Variants in LTN1 observed in about 807,000 individuals in gnomAD.
The protein encoded by LTN1 is E3 ubiquitin-protein ligase listerin.
Under a neutral mutation model 201.2 loss-of-function variants are expected in LTN1, and 88 were observed. The observed-to-expected ratio is 0.44, with a 90% CI of 0.37 to 0.52. The LOEUF is 0.52. LTN1 is among the 20% of genes least tolerant of loss of function. LTN1 has a pLI of 0.00. For synonymous variants in LTN1, 645 were observed against 713.5 expected (o/e 0.90, Z 1.53); for missense variants, 1,752 against 2,038.7 (o/e 0.86, Z 2.71).
chr21:28,981,345 C>A, intron 5 of LTN1, 46 bp from the exon 6 acceptor site: 1 of 1,065,584 alleles, frequency 9.4e-7, no homozygotes, highest in South Asian at 2.6e-5. Flanking sequence ...TAGAATTAGC[C>A]AAACTATATA....
At chr21:28,992,670 C>G in intron 1 of LTN1, 94 bp downstream of exon 1, 1 of 1,436,336 alleles carries the variant, frequency 7.0e-7, no homozygotes, top group Non-Finnish European at 9.7e-7. Flanking sequence ...CGCCTCCCTA[C>G]AGCCGCGCTC....
At chr21:28,930,865 T>C (rs1219620738) in intron 29 of LTN1, among the ~76,000 whole-genome samples, 3 of 152,220 alleles carry the variant, frequency 2.0e-5, no homozygotes, top group Admixed American at 2.0e-4. Context: ...CTTCATGGTC[T>C]AGATCTCAGA....
chr21:28,971,128 A>T (rs921590590), intron 7 of LTN1, 143 bp downstream of exon 7: 2 of 614,658 alleles, frequency 3.3e-6, no homozygotes, highest in Non-Finnish European at 5.2e-6. Flanking sequence ...TAAAATAAAA[A>T]CTCTATGCCA....
chr21:28,985,997 G>T, intron 3 of LTN1, 142 bp downstream of exon 3: 1 of 593,154 alleles, frequency 1.7e-6, no homozygotes. Context: ...CTTCTCAAGT[G>T]TTAACAATTC....
intron 17 of LTN1, among the ~76,000 whole-genome samples, chr21:28,952,750 A>G (rs2084392977): frequency 6.6e-6 from 1 of 152,254 alleles, no homozygotes; most frequent in Non-Finnish European, 1.5e-5. Flanking sequence ...TCCTAAAAAG[A>G]AAGCAGTTCA....
Position 28,929,515 on chromosome 21 carries a change from TG to T in LTN1, c.*932del, listed in dbSNP as rs1455731043. On this transcript the variant is annotated 3_prime_UTR_variant, in exon 30 of 30. Coordinates refer to ENST00000361371, the MANE Select transcript of LTN1 (RefSeq NM_015565.3). The stretch of plus-strand genomic sequence containing the variant: ...CCAAGTCTCTTATTTAGTATAACTT[TG>T]GCTGGTAAGAATAGCTCAGTTTGCT... The T allele has an allele frequency of 6.6e-6, 1 of 152,214 alleles. No individual in the cohort carries two copies. The highest frequency in any genetic ancestry group is 2.4e-5 in the African/African-American group (1 of 41,450). The allele number at this position is 152,214 out of a possible 1,614,324, so 9.4% of individuals were successfully genotyped here.
intron 6 of LTN1, among the ~76,000 whole-genome samples, chr21:28,980,213 T>C (rs1383359209): frequency 6.6e-6 from 1 of 151,990 alleles, no homozygotes; most frequent in African/African-American, 2.4e-5. Flanking sequence ...TGAAGTGCTG[T>C]CTATTGTATC....
At chr21:28,947,429 T>C (rs1047363564) in intron 19 of LTN1, 35 bp downstream of exon 19, 2 of 1,469,912 alleles carry the variant, frequency 1.4e-6, no homozygotes, top group African/African-American at 2.9e-5. Flanking sequence ...AAGCAATAAT[T>C]AAATTAATGA....
chr21:28,978,405 G>A (rs971911444), intron 6 of LTN1, among the ~76,000 whole-genome samples: 2 of 152,118 alleles, frequency 1.3e-5, no homozygotes, highest in Non-Finnish European at 2.9e-5. Context: ...AGTTTACTAG[G>A]TAATGTTAGG....
chr21:28,992,628 AAC>A, intron 1 of LTN1, 134 bp downstream of exon 1: 2 of 901,926 alleles, frequency 2.2e-6, no homozygotes, highest in Middle Eastern at 3.2e-4. Context: ...ACGCACACAC[AAC>A]AGAGAGGTCA....
At position 28,960,655 on chromosome 21, in the gene LTN1, C is replaced by G. The variant is rs757419194; in HGVS notation, c.2215G>C (p.Asp739His). The change falls in exon 12 of 30, where the codon GAT (aspartate) becomes CAT (histidine). Residue 739 changes from aspartate to histidine, a missense_variant. By Grantham distance (81) the Asp-to-His change is moderately conservative. Transcript: ENST00000361371. ...HALVTPWLKG[D>H]ILGEKLVNLA... ...TTGACCAATTTCTCACCAAGGATATCGCCTTTGAGCCAAGGAGTTACTAAA... is the reference window on the plus strand; with the variant it reads ...TTGACCAATTTCTCACCAAGGATATGGCCTTTGAGCCAAGGAGTTACTAAA... The G allele has an allele frequency of 6.2e-7, 1 of 1,613,894 alleles. No individual in the cohort carries two copies. Among genetic ancestry groups the G allele is most frequent in the Admixed American group, 1.7e-5 (1 of 59,988 alleles).
At chr21:28,992,274 A>G (rs978370067) in intron 1 of LTN1, among the ~76,000 whole-genome samples, 9 of 152,108 alleles carry the variant, frequency 5.9e-5, no homozygotes, top group African/African-American at 2.2e-4. Flanking sequence ...TGAAGATGGG[A>G]CTGCAGATGG....
At chr21:28,951,004 A>C (rs904631028) in intron 18 of LTN1, among the ~76,000 whole-genome samples, 2 of 152,138 alleles carry the variant, frequency 1.3e-5, no homozygotes, top group Non-Finnish European at 2.9e-5. Flanking sequence ...TGAGCTACAC[A>C]GAACACACGC....
intron 11 of LTN1, among the ~76,000 whole-genome samples, chr21:28,964,078 T>C (rs754312421): frequency 6.6e-6 from 1 of 152,222 alleles, no homozygotes; most frequent in Non-Finnish European, 1.5e-5. Flanking sequence ...GTGAACATTG[T>C]TGACATGACC....
intron 29 of LTN1, 68 bp from the exon 30 acceptor site, chr21:28,930,578 T>A: frequency 1.0e-6 from 1 of 990,464 alleles, no homozygotes; most frequent in Non-Finnish European, 1.6e-6. Flanking sequence ...CATCATAAAG[T>A]ACACATACAT....
In LTN1 at chr21:28,944,449, C is replaced by A. The variant is rs1401026672; in HGVS notation, c.3916G>T (p.Glu1306Ter). 6.2e-7 allele frequency: 1 copy of A among 1,613,964 alleles called. No individual in the cohort carries two copies. Among genetic ancestry groups the A allele is most frequent in the East Asian group, 2.2e-5 (1 of 44,852 alleles). Residue 1306 changes from glutamate to a stop codon, truncating the protein, a stop_gained, in exon 22 of 30, where the codon GAA (glutamate) becomes TAA (stop). Transcript: ENST00000361371. LOFTEE classifies it high-confidence loss of function. Reference protein sequence around the residue: ...IGNLPVNLISEWKEFFSQGIH... With the variant: ...IGNLPVNLIS ...CCTTGGGAAAAAAATTCTTTCCATT[C>A]ACTGATTAGATTTACAGGAAGATTG...
intron 8 of LTN1, 105 bp downstream of exon 8, chr21:28,970,447 T>C (rs1264116432): frequency 1.2e-5 from 9 of 774,004 alleles, no homozygotes; most frequent in Non-Finnish European, 1.7e-5. Context: ...TAAAAGTATT[T>C]AATGAATAGT....
At chr21:28,943,935 T>C (rs972486085) in intron 22 of LTN1, 31 bp from the exon 23 acceptor site, 1 of 1,374,936 alleles carries the variant, frequency 7.3e-7, no homozygotes, top group Non-Finnish European at 1.0e-6. Context: ...AACATGCACG[T>C]CTCAAAAGAA....
chr21:28,964,520 G>A, intron 11 of LTN1: 2 of 1,441,820 alleles, frequency 1.4e-6, no homozygotes, highest in Non-Finnish European at 1.8e-6. Flanking sequence ...ATATGCACTG[G>A]CAATCCAAAA....
Sources: allele counts gnomAD v4.1 joint callset (sites outside exome capture counted in the v4.1 genomes callset), GRCh38; gene constraint gnomAD v4.1.1; transcripts MANE v1.5; gene names NCBI Gene and HGNC (gene_info 2026-07-23, HGNC 2026-07-21).